The following IDO2 variants were observed in gnomAD, a reference collection of about 807,000 sequenced individuals.
IDO2 encodes indoleamine 2,3-dioxygenase 2.
A neutral mutation model predicts 45.1 loss-of-function variants in IDO2; 46 were observed. That is an observed-to-expected ratio of 1.02 (90% confidence interval 0.80 to 1.30). The LOEUF is 1.30. Among genes scored for constraint, IDO2 ranks in the 50% most tolerant of loss-of-function variants. The pLI, the probability that IDO2 is intolerant of heterozygous loss-of-function variation, is 0.00. For synonymous variants in IDO2, 218 were observed against 184.9 expected (o/e 1.18, Z -1.45); for missense variants, 544 against 491.8 (o/e 1.11, Z -1.00).
chr8:39,939,678 T>C (rs1440972173), intron 1 of IDO2, among the ~76,000 whole-genome samples: 1 of 137,408 alleles, frequency 7.3e-6, no homozygotes, highest in African/African-American at 2.7e-5. Context: ...TCATGGAAAA[T>C]GTCACGAAAA....
intron 3 of IDO2, among the ~76,000 whole-genome samples, chr8:39,965,755 T>C (rs1426392056): frequency 6.6e-6 from 1 of 151,734 alleles, no homozygotes; most frequent in African/African-American, 2.4e-5. Context: ...GGAGGTAGAA[T>C]TGGAATGATG....
intron 1 of IDO2, among the ~76,000 whole-genome samples, chr8:39,944,626 G>A (rs985179924): frequency 6.6e-6 from 1 of 152,118 alleles, no homozygotes; most frequent in South Asian, 2.1e-4. Flanking sequence ...GATTGATAAC[G>A]CCCAAAGCCC....
intron 8 of IDO2, among the ~76,000 whole-genome samples, chr8:40,001,220 T>G (rs890095707): frequency 9.2e-5 from 14 of 151,518 alleles, no homozygotes; most frequent in Non-Finnish European, 1.9e-4. Flanking sequence ...CGTGCCTATT[T>G]TCTGTAAAAT....
chr8:39,954,272 G>A (rs1807856705), intron 2 of IDO2, among the ~76,000 whole-genome samples: 1 of 152,170 alleles, frequency 6.6e-6, no homozygotes. Context: ...TGAGTTTAAT[G>A]TTTCTCTGAG....
At chr8:39,995,069 T>C (rs1265224697) in intron 8 of IDO2, 5 of 152,188 alleles carry the variant, frequency 3.3e-5, no homozygotes, top group Admixed American at 2.6e-4. Context: ...GATGGTATAA[T>C]AGGAACCTTA....
intron 3 of IDO2, among the ~76,000 whole-genome samples, chr8:39,964,779 A>G (rs1808059714): frequency 6.6e-6 from 1 of 152,270 alleles, no homozygotes; most frequent in African/African-American, 2.4e-5. Flanking sequence ...CTATCTGTAA[A>G]CACAGAAAAA....
At chr8:39,941,689 C>A (rs1279582863) in intron 1 of IDO2, among the ~76,000 whole-genome samples, 1 of 151,946 alleles carries the variant, frequency 6.6e-6, no homozygotes, top group African/African-American at 2.4e-5. Context: ...AGAAATGGCT[C>A]ATTAATGCTG....
In IDO2 at chr8:39,994,330, T is replaced by C. The variant is rs527570628; in HGVS notation, c.667+4492T>C. Among the ~76,000 whole-genome samples the C allele has an allele frequency of 1.4e-3, 215 of 151,774 alleles. 1 individual carries two copies. Among genetic ancestry groups the C allele is most frequent in the African/African-American group, 3.6e-3 (150 of 41,396 alleles). On this transcript the variant is annotated intron_variant, in intron 8 of 10. Transcript: ENST00000502986. ...TGGGGTGCGATGGCGCCATCTCGGT[T>C]CACCACAACCTCTGCGTCCCAGGTT...
intron 8 of IDO2, 98 bp from the exon 9 acceptor site, chr8:40,005,229 A>G: frequency 1.5e-6 from 1 of 654,620 alleles, no homozygotes; most frequent in Non-Finnish European, 2.5e-6. Flanking sequence ...TGCATATCAG[A>G]TAGGGAAGGA....
intron 3 of IDO2, 99 bp downstream of exon 3, chr8:39,963,802 G>A: frequency 1.0e-5 from 7 of 688,900 alleles, no homozygotes; most frequent in Non-Finnish European, 1.7e-5. Flanking sequence ...CTGGGAAACT[G>A]TTCATTACCA....
At chr8:39,939,546 C>CAAAAAAAAAAAA in intron 1 of IDO2, among the ~76,000 whole-genome samples, 1 of 71,262 alleles carries the variant, frequency 1.4e-5, no homozygotes, top group Non-Finnish European at 2.4e-5. Context: ...GACTCTGTCT[C>CAAAAAAAAAAAA]AAAAAAAAAA....
At chr8:40,009,359 A>G (rs1563442828) in intron 9 of IDO2, among the ~76,000 whole-genome samples, 1 of 151,876 alleles carries the variant, frequency 6.6e-6, no homozygotes, top group Non-Finnish European at 1.5e-5. Flanking sequence ...GAGAATGGAG[A>G]TATTTCATAT....
chr8:39,978,107 G>A (rs1200903211), intron 3 of IDO2, among the ~76,000 whole-genome samples: 4 of 152,208 alleles, frequency 2.6e-5, no homozygotes, highest in African/African-American at 7.2e-5. Flanking sequence ...GAAGAAGTGC[G>A]CAGTCTGGCC....
At chr8:39,956,323 A>G (rs1234758412) in intron 2 of IDO2, among the ~76,000 whole-genome samples, 1 of 152,086 alleles carries the variant, frequency 6.6e-6, no homozygotes, top group Non-Finnish European at 1.5e-5. Context: ...TGGCCTCCCA[A>G]AGTGCTGGGA....
At chr8:39,952,518 C>T (rs1442731796) in intron 2 of IDO2, among the ~76,000 whole-genome samples, 1 of 152,180 alleles carries the variant, frequency 6.6e-6, no homozygotes, top group Non-Finnish European at 1.5e-5. Context: ...TATTCTATCC[C>T]ACTGTTTCTG....
At chr8:39,999,008 C>T (rs1326286757) in intron 8 of IDO2, among the ~76,000 whole-genome samples, 1 of 152,102 alleles carries the variant, frequency 6.6e-6, no homozygotes, top group Non-Finnish European at 1.5e-5. Flanking sequence ...TCCTTTAAGA[C>T]TTCCTCTAGT....
chr8:39,967,130 G>T (rs571708402), intron 3 of IDO2, among the ~76,000 whole-genome samples: 8 of 152,070 alleles, frequency 5.3e-5, no homozygotes, highest in African/African-American at 1.9e-4. Context: ...ATTTCATAAA[G>T]CATAAAGAAA....
At chr8:39,940,684 ACTAT>A (rs1261604094) in intron 1 of IDO2, among the ~76,000 whole-genome samples, 1 of 152,058 alleles carries the variant, frequency 6.6e-6, no homozygotes, top group Non-Finnish European at 1.5e-5. Context: ...ACTTATTCCT[ACTAT>A]CTAACTATAA....
intron 3 of IDO2, 53 bp downstream of exon 3, chr8:39,963,756 T>A: frequency 9.3e-7 from 1 of 1,076,340 alleles, no homozygotes; most frequent in Non-Finnish European, 1.4e-6. Context: ...TCATACCACT[T>A]TTCTTTCTTA....
Sources: allele counts gnomAD v4.1 joint callset (sites outside exome capture counted in the v4.1 genomes callset), GRCh38; gene constraint gnomAD v4.1.1; transcripts MANE v1.5; gene names NCBI Gene and HGNC (gene_info 2026-07-23, HGNC 2026-07-21).